CAMK2B: variants seen among roughly 807,000 people sequenced by gnomAD.
The protein encoded by CAMK2B is calcium/calmodulin-dependent protein kinase type II subunit beta.
Under a neutral mutation model 93.7 loss-of-function variants are expected in CAMK2B, and 27 were observed. The observed-to-expected ratio is 0.29, with a 90% CI of 0.21 to 0.40. CAMK2B has a LOEUF of 0.40. Among genes scored for constraint, CAMK2B ranks in the 10% least tolerant of loss-of-function variants. CAMK2B has a pLI of 1.00. For missense variants in CAMK2B, 568 were observed against 895.8 expected, an observed-to-expected ratio of 0.63 and a Z score of 4.67; for synonymous variants, 374 against 358.8, an observed-to-expected ratio of 1.04 and a Z score of -0.48.
chr7:44,258,733 G>T, intron 4 of CAMK2B, 139 bp downstream of exon 4: 1 of 735,390 alleles, frequency 1.4e-6, no homozygotes, highest in Non-Finnish European at 2.4e-6. Flanking sequence ...GGAGCAAGGG[G>T]ACCAGCAGCA....
chr7:44,223,913 G>T (rs1039069906), intron 20 of CAMK2B, among the ~76,000 whole-genome samples: 1 of 152,174 alleles, frequency 6.6e-6, no homozygotes, highest in African/African-American at 2.4e-5. Flanking sequence ...GTTCTCAGGC[G>T]CACAGCAGCA....
At chr7:44,238,692 A>G (rs1443915416) in intron 13 of CAMK2B, among the ~76,000 whole-genome samples, 1 of 152,234 alleles carries the variant, frequency 6.6e-6, no homozygotes, top group African/African-American at 2.4e-5. Flanking sequence ...CCGGGTCCCC[A>G]GCCCACGTTG....
chr7:44,219,697 T>G (rs1185259477), intron 23 of CAMK2B, 175 bp from the exon 24 acceptor site: 1 of 316,396 alleles, frequency 3.2e-6, no homozygotes, highest in East Asian at 6.3e-5. Context: ...AACTGGGCTC[T>G]GGGCCCGCTG....
intron 4 of CAMK2B, 85 bp downstream of exon 4, chr7:44,258,787 T>C: frequency 8.1e-7 from 1 of 1,236,300 alleles, no homozygotes; most frequent in Non-Finnish European, 1.2e-6. Flanking sequence ...TAGGGACTAT[T>C]CCCTGGGGCT....
chr7:44,264,094 C>T (rs545427829), intron 2 of CAMK2B: 1 of 153,986 alleles, frequency 6.5e-6, no homozygotes, highest in African/African-American at 2.4e-5. Flanking sequence ...CTGCCCAGTG[C>T]TGAGTCCCAC....
chr7:44,237,888 C>G (rs1327294739), intron 13 of CAMK2B, among the ~76,000 whole-genome samples: 1 of 152,196 alleles, frequency 6.6e-6, no homozygotes, highest in African/African-American at 2.4e-5. Flanking sequence ...GCCGGGGCAA[C>G]TGCTGCCACC....
intron 2 of CAMK2B, among the ~76,000 whole-genome samples, chr7:44,266,208 A>G (rs1163851032): frequency 4.6e-5 from 7 of 152,210 alleles, no homozygotes; most frequent in Admixed American, 4.6e-4. Flanking sequence ...GACTCTGGAT[A>G]GGACTGAGAA....
At chr7:44,309,409 G>T (rs1430595976) in intron 1 of CAMK2B, among the ~76,000 whole-genome samples, 1 of 152,120 alleles carries the variant, frequency 6.6e-6, no homozygotes, top group Non-Finnish European at 1.5e-5. Context: ...GCAGGAGCAG[G>T]AGGGCTGGGC....
rs992767689 is a variant in CAMK2B, at chr7:44,229,173, G to A, written c.1339+215C>T. 1.9e-5 allele frequency: 12 copies of A among 616,252 alleles called. No individual in the cohort carries two copies. In the East Asian group the frequency reaches 2.3e-4, roughly 12 times the overall value. The allele number at this position is 616,252 out of a possible 1,614,324, so 38.2% of individuals were successfully genotyped here. A position where few individuals can be genotyped will look rare whatever the true frequency, so the allele number is the denominator to read the frequency against. On this transcript the variant is annotated intron_variant, in intron 18 of 23. Coordinates refer to ENST00000395749, the MANE Select transcript of CAMK2B (RefSeq NM_001220.5). ...TCCAGGGCCTCCCATCCTGCCCAGT[G>A]GCCTTGAGCAGGAAAGTGGTCCAGG... is the stretch of plus-strand genomic sequence containing the variant.
intron 1 of CAMK2B, among the ~76,000 whole-genome samples, chr7:44,293,974 G>A (rs1355217591): frequency 6.6e-6 from 1 of 152,204 alleles, no homozygotes; most frequent in Non-Finnish European, 1.5e-5. Flanking sequence ...GGGACCCTCT[G>A]GGTCATGCCG....
At chr7:44,300,305 G>A (rs1274417663) in intron 1 of CAMK2B, among the ~76,000 whole-genome samples, 2 of 151,988 alleles carry the variant, frequency 1.3e-5, no homozygotes, top group Non-Finnish European at 2.9e-5. Flanking sequence ...TAAGGTGCTG[G>A]AATTACAGGT....
intron 16 of CAMK2B, among the ~76,000 whole-genome samples, chr7:44,232,036 C>T (rs781139160): frequency 1.6e-4 from 24 of 152,222 alleles, no homozygotes; most frequent in Admixed American, 3.9e-4. Context: ...GTCCCAGGGG[C>T]ACCCATCCCC....
Position 44,254,409 on chromosome 7 carries a change from C to A in CAMK2B, c.341+133G>T, listed in dbSNP as rs576763752. The A allele has an allele frequency of 5.9e-6, 4 of 674,054 alleles. No individual in the cohort carries two copies. The East Asian group carries it at 1.1e-4, about 18-fold the overall frequency. The allele number at this position is 674,054 out of a possible 1,614,324, so 41.8% of individuals were successfully genotyped here. On this transcript the variant is annotated intron_variant, in intron 5 of 23. Coordinates refer to ENST00000395749, the MANE Select transcript of CAMK2B (RefSeq NM_001220.5). ...AAGTTTCCTTTGGCTTCATGCCCAT[C>A]GCTCTGGGGTGTGGGTGAGCAGGGA...
chr7:44,321,638 G>T (rs1796110905), intron 1 of CAMK2B, among the ~76,000 whole-genome samples: 1 of 152,124 alleles, frequency 6.6e-6, no homozygotes, highest in Non-Finnish European at 1.5e-5. Flanking sequence ...AGCCCTAGCT[G>T]CCATCTCCGC....
chr7:44,228,964 G>A, intron 18 of CAMK2B, 40 bp from the exon 19 acceptor site: 1 of 1,600,572 alleles, frequency 6.2e-7, no homozygotes, highest in South Asian at 1.1e-5. Context: ...GAGGCAGACA[G>A]ACACACGAGG....
chr7:44,291,445 C>A (rs1036076294), intron 1 of CAMK2B, among the ~76,000 whole-genome samples: 1 of 152,146 alleles, frequency 6.6e-6, no homozygotes, highest in African/African-American at 2.4e-5. Context: ...GCCCAGGCAT[C>A]CTGGGTTCTA....
At chr7:44,254,037 C>T (rs1314301503) in intron 5 of CAMK2B, among the ~76,000 whole-genome samples, 8 of 152,180 alleles carry the variant, frequency 5.3e-5, no homozygotes, top group Middle Eastern at 3.4e-3. Context: ...TGTCAGGTGT[C>T]AGGGTGGCAT....
At chr7:44,232,732 T>C in intron 16 of CAMK2B, 90 bp downstream of exon 16, 1 of 1,319,072 alleles carries the variant, frequency 7.6e-7, no homozygotes, top group South Asian at 1.2e-5. Context: ...ACATCTGCCC[T>C]CCACTCTGGC....
chr7:44,241,890 C>T (rs764480121), intron 10 of CAMK2B, 107 bp from the exon 11 acceptor site: 42 of 853,028 alleles, frequency 4.9e-5, no homozygotes, highest in African/African-American at 1.2e-4. Context: ...CAAGAGCCAC[C>T]GGCCACCATT....
Sources: gnomAD v4.1 joint callset for allele counts (sites outside exome capture counted in the v4.1 genomes callset) on GRCh38, gnomAD v4.1.1 for gene constraint, MANE v1.5 for transcripts, NCBI Gene and HGNC (gene_info 2026-07-23, HGNC 2026-07-21) for gene names.